Variants in PTPN14 observed in about 807,000 individuals in gnomAD.
The protein encoded by PTPN14 is tyrosine-protein phosphatase non-receptor type 14.
Under a neutral mutation model 126.8 loss-of-function variants are expected in PTPN14, and 53 were observed. That is an observed-to-expected ratio of 0.42 (90% confidence interval 0.34 to 0.53). PTPN14 has a LOEUF of 0.53. Ranked by LOEUF, PTPN14 falls within the 20% of genes least tolerant of loss-of-function variation. PTPN14 has a pLI of 0.08. For synonymous variants in PTPN14, 630 were observed against 599.3 expected, an observed-to-expected ratio of 1.05 and a Z score of -0.75; for missense variants, 1,257 against 1,552.9, an observed-to-expected ratio of 0.81 and a Z score of 3.20.
chr1:214,415,121 C>T (rs1659397424), intron 3 of PTPN14, among the ~76,000 whole-genome samples: 1 of 152,226 alleles, frequency 6.6e-6, no homozygotes, highest in Admixed American at 6.5e-5. Context: ...TCTAGAAACA[C>T]ATCACCTTTC....
rs777925513 is a variant in PTPN14, at chr1:214,376,387, A to G, written c.2739T>C (p.Tyr913=). ...KLEEGMVFTE[Y]EQIPKKKANG... is the part of the protein sequence containing the mutation. The stretch of plus-strand genomic sequence containing the variant: ...TCGCCTTTTTCTTTGGAATTTGCTC[A>G]TATTCTGTGAACACCATTCCCTCTT... Residue 913 remains tyrosine, a synonymous_variant, in exon 15 of 19, where the codon TAT becomes TAC. Transcript: ENST00000366956. 6.2e-7 allele frequency: 1 copy of G among 1,614,122 alleles called. No homozygotes were observed. Among genetic ancestry groups the G allele is most frequent in the East Asian group, 2.2e-5 (1 of 44,866 alleles).
chr1:214,532,600 A>G, intron 1 of PTPN14: 1 of 953,074 alleles, frequency 1.0e-6, no homozygotes, highest in Non-Finnish European at 1.7e-6. Flanking sequence ...GAGGGCTCAG[A>G]TCTTAGCAAA....
In PTPN14 at chr1:214,357,860, G is replaced by C; in HGVS notation, c.*62C>G. On this transcript the variant is annotated 3_prime_UTR_variant, in exon 19 of 19. Coordinates refer to ENST00000366956, the MANE Select transcript of PTPN14 (RefSeq NM_005401.5). ...CTGTGGGGGGAGCAGATGTTGTCTGGAGGTGACTCTCCTCCAGCGCGATGG... is the reference window on the plus strand; with the variant it reads ...CTGTGGGGGGAGCAGATGTTGTCTGCAGGTGACTCTCCTCCAGCGCGATGG... The C allele has an allele frequency of 6.6e-7, 1 of 1,514,780 alleles. No homozygotes were observed. Among genetic ancestry groups the C allele is most frequent in the South Asian group, 1.2e-5 (1 of 85,614 alleles). The allele number at this position is 1,514,780 out of a possible 1,614,324, so 93.8% of individuals were successfully genotyped here. A position where few individuals can be genotyped will look rare whatever the true frequency, so the allele number is the denominator to read the frequency against.
intron 1 of PTPN14, chr1:214,533,460 C>T (rs12039817): frequency 2.1e-6 from 1 of 465,402 alleles, no homozygotes; most frequent in South Asian, 2.0e-5. Context: ...CACTAAAGTT[C>T]TGAGACATTA....
At chr1:214,456,013 T>C (rs966361523) in intron 2 of PTPN14, among the ~76,000 whole-genome samples, 61 of 152,332 alleles carry the variant, frequency 4.0e-4, no homozygotes, top group Non-Finnish European at 7.1e-4. Context: ...TTTTATTTGT[T>C]TGTTCATTTA....
intron 18 of PTPN14, among the ~76,000 whole-genome samples, chr1:214,359,502 C>T (rs992496901): frequency 4.0e-5 from 6 of 151,576 alleles, no homozygotes; most frequent in African/African-American, 9.7e-5. Flanking sequence ...GGATTATAAG[C>T]GTGAGCCACT....
intron 18 of PTPN14, among the ~76,000 whole-genome samples, chr1:214,360,957 G>T (rs1424298795): frequency 1.3e-5 from 2 of 152,098 alleles, no homozygotes; most frequent in Non-Finnish European, 2.9e-5. Flanking sequence ...TTAAAAGTAT[G>T]TTGCACTTCC....
intron 3 of PTPN14, among the ~76,000 whole-genome samples, chr1:214,439,375 C>T (rs552594498): frequency 1.3e-5 from 2 of 152,312 alleles, no homozygotes; most frequent in South Asian, 4.1e-4. Context: ...TTTCTACCTT[C>T]TTCAAAACAT....
At chr1:214,530,771 C>T (rs972767168) in intron 1 of PTPN14, 11 of 147,476 alleles carry the variant, frequency 7.5e-5, no homozygotes, top group African/African-American at 2.4e-4. Context: ...ATATTTACGA[C>T]GAGTACGATA....
chr1:214,491,982 A>G (rs1180126421), intron 1 of PTPN14, among the ~76,000 whole-genome samples: 2 of 152,158 alleles, frequency 1.3e-5, no homozygotes, highest in Non-Finnish European at 2.9e-5. Flanking sequence ...TAGATTACTC[A>G]GTCTATTCTT....
intron 1 of PTPN14, chr1:214,529,821 T>C (rs1167503536): frequency 6.6e-6 from 1 of 152,010 alleles, no homozygotes; most frequent in Non-Finnish European, 1.5e-5. Context: ...GAGGTGGAGG[T>C]TGCAGTGAGC....
intron 11 of PTPN14, among the ~76,000 whole-genome samples, chr1:214,388,477 G>T (rs1322065050): frequency 3.9e-5 from 6 of 151,900 alleles, no homozygotes; most frequent in African/African-American, 1.5e-4. Context: ...CACAATCTCG[G>T]CTCACTGCAA....
rs1657672484 is a variant in PTPN14 at position 214,350,037 on chromosome 1, T to G, written c.*7885A>C. 6.6e-6 allele frequency: 1 copy of G among 152,222 alleles called. No homozygotes were observed. The allele number at this position is 152,222 out of a possible 1,614,324, so 9.4% of individuals were successfully genotyped here. ...CCACAAAAAGATCCCAATCCAATCTTTTCAGCTTTATCCTCTAAAACCTTT... is the reference window on the plus strand; with the variant it reads ...CCACAAAAAGATCCCAATCCAATCTGTTCAGCTTTATCCTCTAAAACCTTT... On this transcript the variant is annotated 3_prime_UTR_variant, in exon 19 of 19. Transcript: ENST00000366956.
chr1:214,423,540 A>C (rs1659591581), intron 3 of PTPN14, among the ~76,000 whole-genome samples: 1 of 152,154 alleles, frequency 6.6e-6, no homozygotes, highest in Non-Finnish European at 1.5e-5. Context: ...ACTTTGGTTG[A>C]TGCTTTGTTT....
intron 1 of PTPN14, among the ~76,000 whole-genome samples, chr1:214,467,118 AAGGT>A (rs1364408901): frequency 6.6e-6 from 1 of 152,156 alleles, no homozygotes; most frequent in African/African-American, 2.4e-5. Context: ...GTTTACCTCT[AAGGT>A]AAGCCAATCT....
At chr1:214,370,563 G>T (rs1049763134) in intron 16 of PTPN14, among the ~76,000 whole-genome samples, 1 of 152,096 alleles carries the variant, frequency 6.6e-6, no homozygotes, top group African/African-American at 2.4e-5. Flanking sequence ...ATCTAGTGTC[G>T]ATTTCACATT....
chr1:214,465,065 A>C, intron 1 of PTPN14, 108 bp from the exon 2 acceptor site: 1 of 387,204 alleles, frequency 2.6e-6, no homozygotes, highest in Admixed American at 3.9e-5. Flanking sequence ...CGCCAAACAG[A>C]TCAACACTCA....
intron 1 of PTPN14, among the ~76,000 whole-genome samples, chr1:214,492,022 G>A (rs1201446892): frequency 6.6e-6 from 1 of 151,942 alleles, no homozygotes; most frequent in Non-Finnish European, 1.5e-5. Flanking sequence ...CCATTTTCAG[G>A]CTGCCCATCC....
chr1:214,539,535 T>C (rs1655786904), intron 1 of PTPN14, among the ~76,000 whole-genome samples: 1 of 152,236 alleles, frequency 6.6e-6, no homozygotes, highest in Non-Finnish European at 1.5e-5. Flanking sequence ...TTCTCTTTTA[T>C]CATACCCAAA....
Sources: gnomAD v4.1 joint callset for allele counts (sites outside exome capture counted in the v4.1 genomes callset) on GRCh38, gnomAD v4.1.1 for gene constraint, MANE v1.5 for transcripts, NCBI Gene and HGNC (gene_info 2026-07-23, HGNC 2026-07-21) for gene names.